Variants in ZC3H12B observed in about 807,000 individuals in gnomAD.
ZC3H12B encodes zinc finger CCCH-type containing 12B, also known as probable ribonuclease ZC3H12B.
Under a neutral mutation model 43.9 loss-of-function variants are expected in ZC3H12B, and 7 were observed. The observed-to-expected ratio is 0.16, with a 90% CI of 0.09 to 0.30. The LOEUF is 0.30. Among genes scored for constraint, ZC3H12B ranks in the 10% least tolerant of loss-of-function variants. ZC3H12B has a pLI of 1.00. For missense variants in ZC3H12B, 475 were observed against 670.2 expected (o/e 0.71, Z 3.22); for synonymous variants, 222 against 241.7 (o/e 0.92, Z 0.76).
At chrX:65,272,166 A>T in the ZC3H12B span, 2 of 108,730 alleles carry the variant, frequency 1.8e-5, no homozygotes, top group African/African-American at 3.4e-5. Flanking sequence ...ATGAGCCGAG[A>T]TCCCGCCACT....
chrX:65,181,292 A>G, the ZC3H12B span, among the ~76,000 whole-genome samples: 1 of 112,278 alleles, frequency 8.9e-6, no homozygotes, highest in Non-Finnish European at 1.9e-5. Flanking sequence ...TCCTAAAATT[A>G]TAAAATCCCT....
At chrX:65,183,757 T>C in the ZC3H12B span, among the ~76,000 whole-genome samples, 1 of 111,740 alleles carries the variant, frequency 8.9e-6, no homozygotes, top group African/African-American at 3.2e-5. Context: ...TACTTATCCC[T>C]ATTGTTCATT....
At chrX:65,443,798 G>A (rs2067337843) in intron 3 of ZC3H12B, among the ~76,000 whole-genome samples, 2 of 112,631 alleles carry the variant, frequency 1.8e-5, no homozygotes, top group South Asian at 7.3e-4. Flanking sequence ...TGTATTTATG[G>A]CCAGTTTTGG....
chrX:65,151,546 A>G, the ZC3H12B span, among the ~76,000 whole-genome samples: 1 of 112,097 alleles, frequency 8.9e-6, no homozygotes, highest in East Asian at 2.8e-4. Context: ...TACTCAGATT[A>G]CCAAGGAATC....
At chrX:65,205,902 A>C in the ZC3H12B span, among the ~76,000 whole-genome samples, 1 of 111,881 alleles carries the variant, frequency 8.9e-6, no homozygotes, top group Non-Finnish European at 1.9e-5. Flanking sequence ...CAAATCAAGA[A>C]CTCAACCCCT....
chrX:65,174,597 G>A, the ZC3H12B span, among the ~76,000 whole-genome samples: 5 of 111,993 alleles, frequency 4.5e-5, no homozygotes, highest in Non-Finnish European at 9.4e-5. Flanking sequence ...ATCTAGAGAG[G>A]CACTGTGGTC....
At chrX:65,100,561 T>A in the ZC3H12B span, among the ~76,000 whole-genome samples, 1 of 973 alleles carries the variant, frequency 1.0e-3, no homozygotes, top group Non-Finnish European at 1.7e-3. Context: ...CAAGCAAAGA[T>A]AAAGCAAAAA....
chrX:65,075,199 T>A, the ZC3H12B span, among the ~76,000 whole-genome samples: 2 of 112,689 alleles, frequency 1.8e-5, no homozygotes, highest in African/African-American at 6.4e-5. Flanking sequence ...AGAGATTTAT[T>A]AGTTCACATC....
the ZC3H12B span, among the ~76,000 whole-genome samples, chrX:65,283,532 T>C: frequency 9.0e-6 from 1 of 111,430 alleles, no homozygotes; most frequent in Non-Finnish European, 1.9e-5. Flanking sequence ...GGAAGTCAAA[T>C]TGTTCCTCTT....
At chrX:65,297,137 G>A in the ZC3H12B span, among the ~76,000 whole-genome samples, 2 of 111,398 alleles carry the variant, frequency 1.8e-5, no homozygotes, top group African/African-American at 6.5e-5. Context: ...AGTACTGGAA[G>A]TCCTAGCCAG....
the ZC3H12B span, among the ~76,000 whole-genome samples, chrX:65,163,912 G>C: frequency 9.0e-6 from 1 of 111,654 alleles, no homozygotes; most frequent in Non-Finnish European, 1.9e-5. Context: ...CAGCCATCTT[G>C]GCTCCCCCCC....
the ZC3H12B span, among the ~76,000 whole-genome samples, chrX:65,260,546 T>TA: frequency 5.4e-5 from 6 of 111,511 alleles, no homozygotes; most frequent in South Asian, 2.3e-3. Context: ...AGTAAACCTG[T>TA]AAATGTACCC....
intron 3 of ZC3H12B, among the ~76,000 whole-genome samples, chrX:65,437,556 G>A (rs2067236284): frequency 8.9e-6 from 1 of 112,023 alleles, no homozygotes; most frequent in African/African-American, 3.2e-5. Context: ...TTTAAGAAAT[G>A]TCTATTCAAA....
chrX:65,304,964 TA>T, the ZC3H12B span, among the ~76,000 whole-genome samples: 2 of 111,509 alleles, frequency 1.8e-5, no homozygotes, highest in Admixed American at 9.5e-5. Flanking sequence ...TAAGAAGTAA[TA>T]AAAAAACCAA....
the ZC3H12B span, among the ~76,000 whole-genome samples, chrX:65,259,938 G>A: frequency 9.0e-6 from 1 of 111,684 alleles, no homozygotes; most frequent in Non-Finnish European, 1.9e-5. Flanking sequence ...GGATGGAATC[G>A]GAGACCATTA....
the ZC3H12B span, among the ~76,000 whole-genome samples, chrX:65,265,005 C>T: frequency 1.8e-5 from 2 of 111,524 alleles, no homozygotes; most frequent in Non-Finnish European, 3.8e-5. Flanking sequence ...AGTGGTAGAG[C>T]GAAGACTAGA....
the ZC3H12B span, among the ~76,000 whole-genome samples, chrX:65,230,305 T>G: frequency 9.1e-6 from 1 of 109,595 alleles, no homozygotes; most frequent in Non-Finnish European, 1.9e-5. Context: ...AAACATGCAT[T>G]TTCTCACTCA....
the ZC3H12B span, among the ~76,000 whole-genome samples, chrX:65,256,298 T>C: frequency 1.8e-5 from 2 of 111,793 alleles, no homozygotes; most frequent in African/African-American, 6.5e-5. Context: ...TAAAACCATT[T>C]CCAGCAAATT....
chrX:65,213,068 A>G, the ZC3H12B span, among the ~76,000 whole-genome samples: 1 of 107,958 alleles, frequency 9.3e-6, no homozygotes, highest in Admixed American at 1.0e-4. Context: ...TCCCCATATT[A>G]TACTATTCTG....
Sources: gnomAD v4.1 joint callset for allele counts (sites outside exome capture counted in the v4.1 genomes callset) on GRCh38, gnomAD v4.1.1 for gene constraint, MANE v1.5 for transcripts, NCBI Gene and HGNC (gene_info 2026-07-23, HGNC 2026-07-21) for gene names.